Variants in OPCML observed in about 807,000 individuals in gnomAD.
The protein encoded by OPCML is opioid-binding protein/cell adhesion molecule.
A neutral mutation model predicts 37.8 loss-of-function variants in OPCML; 13 were observed. The ratio of observed to expected loss-of-function variants is 0.34; its 90% CI spans 0.22 to 0.55. OPCML has a LOEUF of 0.55. Among genes scored for constraint, OPCML ranks in the 20% least tolerant of loss-of-function variants. The probability of loss-of-function intolerance (pLI) is 0.91; values close to 1 mark genes in which losing one functional copy is unlikely to be tolerated. For synonymous variants in OPCML, 176 were observed against 168.8 expected, an observed-to-expected ratio of 1.04 and a Z score of -0.33; for missense variants, 341 against 435.6, an observed-to-expected ratio of 0.78 and a Z score of 1.93.
intron 2 of OPCML, among the ~76,000 whole-genome samples, chr11:132,757,752 GT>G (rs1453355628): frequency 6.6e-6 from 1 of 152,128 alleles, no homozygotes; most frequent in African/African-American, 2.4e-5. Flanking sequence ...TAGGTTGCCT[GT>G]TCACTCTGAT....
At chr11:132,932,408 T>C (rs1309584208) in intron 2 of OPCML, among the ~76,000 whole-genome samples, 2 of 152,098 alleles carry the variant, frequency 1.3e-5, no homozygotes, top group African/African-American at 2.4e-5. Context: ...CATGGGTAAA[T>C]ATATGCGTCC....
intron 1 of OPCML, among the ~76,000 whole-genome samples, chr11:133,263,370 A>C (rs1941551529): frequency 6.6e-6 from 1 of 152,140 alleles, no homozygotes; most frequent in Admixed American, 6.5e-5. Context: ...TAGATACACA[A>C]ATGCTTACCA....
intron 1 of OPCML, among the ~76,000 whole-genome samples, chr11:133,099,775 G>A (rs182538980): frequency 1.1e-3 from 169 of 152,124 alleles, no homozygotes; most frequent in African/African-American, 3.7e-3. Flanking sequence ...TTTGTTGTTC[G>A]CTTGTTGAAT....
At chr11:133,056,610 T>C (rs1393322036) in intron 1 of OPCML, among the ~76,000 whole-genome samples, 1 of 152,262 alleles carries the variant, frequency 6.6e-6, no homozygotes, top group Non-Finnish European at 1.5e-5. Context: ...TCAGTTTAAC[T>C]GAACTTTATC....
intron 1 of OPCML, among the ~76,000 whole-genome samples, chr11:132,964,466 G>A (rs995310511): frequency 6.6e-6 from 1 of 152,178 alleles, no homozygotes; most frequent in Non-Finnish European, 1.5e-5. Flanking sequence ...TAACCTGTGT[G>A]AGCCTTAGTT....
At chr11:132,574,857 G>C (rs936358380) in intron 3 of OPCML, among the ~76,000 whole-genome samples, 5 of 151,888 alleles carry the variant, frequency 3.3e-5, no homozygotes, top group Admixed American at 3.3e-4. Flanking sequence ...GTGGAGAATT[G>C]AAATCTCTTA....
At chr11:132,584,444 A>C (rs2137659778) in intron 3 of OPCML, among the ~76,000 whole-genome samples, 1 of 152,280 alleles carries the variant, frequency 6.6e-6, no homozygotes, top group East Asian at 1.9e-4. Context: ...TTTGCACTTA[A>C]ATTTCTTTTT....
chr11:132,636,622 T>C (rs907556260), intron 3 of OPCML, among the ~76,000 whole-genome samples: 2 of 152,234 alleles, frequency 1.3e-5, no homozygotes, highest in African/African-American at 4.8e-5. Context: ...ATACACTAAA[T>C]TAAGGCTACA....
At chr11:133,133,262 G>A (rs765195606) in intron 1 of OPCML, among the ~76,000 whole-genome samples, 2 of 152,080 alleles carry the variant, frequency 1.3e-5, no homozygotes, top group Admixed American at 6.5e-5. Context: ...AGTCTGGTTC[G>A]GAAGCAGTGT....
At chr11:132,685,336 G>C (rs994622048) in intron 2 of OPCML, among the ~76,000 whole-genome samples, 3 of 152,162 alleles carry the variant, frequency 2.0e-5, no homozygotes, top group Non-Finnish European at 4.4e-5. Context: ...TAAAAATGTT[G>C]AGAGATTTGC....
chr11:132,928,928 T>C (rs1180733119), intron 2 of OPCML, among the ~76,000 whole-genome samples: 1 of 151,154 alleles, frequency 6.6e-6, no homozygotes, highest in African/African-American at 2.4e-5. Context: ...AGACACAACA[T>C]ACCAAAAGTT....
At chr11:132,750,045 G>A (rs1945779300) in intron 2 of OPCML, among the ~76,000 whole-genome samples, 1 of 151,938 alleles carries the variant, frequency 6.6e-6, no homozygotes, top group Non-Finnish European at 1.5e-5. Flanking sequence ...ACCATGCCTG[G>A]TTAATTTTTG....
chr11:132,588,976 A>G (rs11223138), intron 3 of OPCML, among the ~76,000 whole-genome samples: 17,160 of 152,184 alleles, frequency 0.11, 1,213 homozygotes, highest in East Asian at 0.21. Context: ...CTGAGAAATA[A>G]ACCTTCATTA....
At chr11:133,446,498 C>T (rs1448999125) in intron 1 of OPCML, among the ~76,000 whole-genome samples, 4 of 152,090 alleles carry the variant, frequency 2.6e-5, no homozygotes, top group Admixed American at 6.6e-5. Context: ...AGTCATAGCT[C>T]GTTGCAATTT....
At chr11:132,858,302 G>A (rs767728854) in intron 2 of OPCML, among the ~76,000 whole-genome samples, 10 of 152,134 alleles carry the variant, frequency 6.6e-5, no homozygotes, top group Non-Finnish European at 1.2e-4. Context: ...AGGCTCCCAG[G>A]TTCCCTCCTC....
intron 2 of OPCML, among the ~76,000 whole-genome samples, chr11:132,839,735 T>A (rs1941207154): frequency 6.6e-6 from 1 of 152,228 alleles, no homozygotes; most frequent in Non-Finnish European, 1.5e-5. Context: ...AACATTGCTA[T>A]TCTTAGGAGC....
intron 1 of OPCML, among the ~76,000 whole-genome samples, chr11:133,437,626 G>A (rs200374496): frequency 1.5e-5 from 2 of 135,934 alleles, no homozygotes; most frequent in Admixed American, 1.5e-4. Context: ...CTGCAACCCC[G>A]CTCACCTCTC....
In OPCML at chr11:133,331,980, G is replaced by A. The variant is rs148599498; in HGVS notation, c.61+200284C>T. ...CTAGTTTTTGTGAAGAGTGTCATTC[G>A]TAGTTTGATAGGAGTAGCATAGAAT... On this transcript the variant is annotated intron_variant, in intron 1 of 7. Transcript: ENST00000524381. 2.4e-3 allele frequency among the ~76,000 whole-genome samples: 372 copies of A among 152,102 alleles called. 3 individuals are homozygous for A. Among genetic ancestry groups the A allele is most frequent in the African/African-American group, 8.0e-3 (332 of 41,494 alleles).
At chr11:132,759,244 T>C (rs1946174314) in intron 2 of OPCML, among the ~76,000 whole-genome samples, 1 of 152,210 alleles carries the variant, frequency 6.6e-6, no homozygotes, top group Non-Finnish European at 1.5e-5. Context: ...TCATCAGGGA[T>C]ATTGGCCTGA....
Sources: allele counts gnomAD v4.1 joint callset (sites outside exome capture counted in the v4.1 genomes callset), GRCh38; gene constraint gnomAD v4.1.1; transcripts MANE v1.5; gene names NCBI Gene and HGNC (gene_info 2026-07-23, HGNC 2026-07-21).